Variants in ZNF106 observed in about 807,000 individuals in gnomAD.
ZNF106 encodes SH3-domain binding protein 3.
Under a neutral mutation model 195.1 loss-of-function variants are expected in ZNF106, and 67 were observed. That is an observed-to-expected ratio of 0.34 (90% CI 0.28 to 0.42). The LOEUF is 0.42. Among genes scored for constraint, ZNF106 ranks in the 10% least tolerant of loss-of-function variants. The pLI, the probability that ZNF106 is intolerant of heterozygous loss-of-function variation, is 1.00. For missense variants in ZNF106, 2,118 were observed against 2,304.5 expected (o/e 0.92, Z 1.66); for synonymous variants, 784 against 818.6 (o/e 0.96, Z 0.72).
At chr15:42,424,755 C>T in intron 16 of ZNF106, 79 bp downstream of exon 16, 2 of 1,445,318 alleles carry the variant, frequency 1.4e-6, no homozygotes, top group South Asian at 1.4e-5. Context: ...GCTGGGACTA[C>T]AGACGTGAGC....
chr15:42,422,559 A>G lies in ZNF106; in HGVS notation c.5315T>C (p.Leu1772Pro). ...HNHAVTVVNI[L>P]GKVMVTACLD... Reference sequence around the variant, plus strand: ...GCAAGCAGTCACCATCACTTTTCCTAGGATATTCACCACAGTCACTGCATG... The same window carrying G: ...GCAAGCAGTCACCATCACTTTTCCTGGGATATTCACCACAGTCACTGCATG... Residue 1772 changes from leucine (L) to proline (P), a missense_variant, in exon 18 of 22, where the codon CTA becomes CCA. Transcript: ENST00000564754. 1.9e-6 allele frequency: 3 copies of G among 1,613,826 alleles called. No homozygotes were observed. The highest frequency in any genetic ancestry group is 2.2e-5 in the South Asian group (2 of 91,026).
intron 4 of ZNF106, among the ~76,000 whole-genome samples, chr15:42,456,250 T>C (rs1311845715): frequency 2.6e-5 from 4 of 152,230 alleles, no homozygotes; most frequent in Non-Finnish European, 4.4e-5. Context: ...ATTTTGGCGA[T>C]ACGACTATAC....
chr15:42,441,277 A>C (rs2055527555), intron 10 of ZNF106, among the ~76,000 whole-genome samples: 1 of 151,384 alleles, frequency 6.6e-6, no homozygotes, highest in African/African-American at 2.4e-5. Context: ...CAGGAGGTCA[A>C]GCCTGTGGTG....
chr15:42,448,329 T>C lies in ZNF106; in HGVS notation c.2878A>G (p.Ser960Gly), dbSNP rs1431451473. 1.2e-6 allele frequency: 2 copies of C among 1,614,204 alleles called. No individual in the cohort carries two copies. The highest frequency in any genetic ancestry group is 1.6e-4 in the Middle Eastern group (1 of 6,062). The change falls in exon 6 of 22, where the codon AGT (serine) becomes GGT (glycine). Residue 960 changes from serine to glycine, a missense_variant. Transcript: ENST00000564754. ...ATATGGTCAGAGGATAATTGTGCACTATGTCGCCTTTGGGTAGCAACATTT... is the reference window on the plus strand; with the variant it reads ...ATATGGTCAGAGGATAATTGTGCACCATGTCGCCTTTGGGTAGCAACATTT... ...AENVATQRRH[S>G]AQLSSDHIIP...
chr15:42,417,281 C>T lies in ZNF106; in HGVS notation c.*23G>A. ...GTGAAAATAGTTCAACTAATGACTT[C>T]CCAACGTGGGAGGCAAAAAACTTCA... On this transcript the variant is annotated 3_prime_UTR_variant, in exon 22 of 22. Coordinates refer to ENST00000564754, the MANE Select transcript of ZNF106 (RefSeq NM_001366845.3). The T allele has an allele frequency of 6.2e-7, 1 of 1,613,870 alleles. No individual in the cohort carries two copies. Among genetic ancestry groups the T allele is most frequent in the Non-Finnish European group, 8.5e-7 (1 of 1,179,838 alleles).
chr15:42,425,456 C>A (rs2054818981), intron 15 of ZNF106: 1 of 156,388 alleles, frequency 6.4e-6, no homozygotes. Flanking sequence ...TTCCAAAAAT[C>A]TCTATTTAGA....
chr15:42,433,347 C>T (rs576888446), intron 14 of ZNF106, among the ~76,000 whole-genome samples: 76 of 152,254 alleles, frequency 5.0e-4, no homozygotes, highest in Admixed American at 7.2e-4. Flanking sequence ...CCTCGTGATC[C>T]GCCCACCTCG....
chr15:42,478,585 A>C (rs561401626), intron 1 of ZNF106, among the ~76,000 whole-genome samples: 1 of 134,304 alleles, frequency 7.4e-6, no homozygotes, highest in Non-Finnish European at 1.5e-5. Flanking sequence ...GCATGATCTC[A>C]GCTCACGGCA....
At chr15:42,417,401 T>C (rs751690378) in intron 21 of ZNF106, 41 bp from the exon 22 acceptor site, 4 of 1,599,430 alleles carry the variant, frequency 2.5e-6, no homozygotes, top group African/African-American at 1.3e-5. Context: ...GAGAAGTCGA[T>C]AGTAAGACAG....
chr15:42,453,506 A>T (rs1406715288), intron 4 of ZNF106, among the ~76,000 whole-genome samples: 2 of 152,198 alleles, frequency 1.3e-5, no homozygotes, highest in Admixed American at 1.3e-4. Context: ...ACTGCTAGCT[A>T]AAATTTACTG....
intron 5 of ZNF106, among the ~76,000 whole-genome samples, chr15:42,448,939 A>AT (rs1414408769): frequency 2.0e-5 from 3 of 152,130 alleles, no homozygotes; most frequent in Non-Finnish European, 1.5e-5. Context: ...GGGAGTAAAA[A>AT]TTGAGTTTTG....
chr15:42,471,901 T>A (rs1227880297), intron 2 of ZNF106, among the ~76,000 whole-genome samples: 1 of 152,178 alleles, frequency 6.6e-6, no homozygotes, highest in East Asian at 1.9e-4. Context: ...GATTTTAAAA[T>A]TACAGAAAGC....
chr15:42,482,527 T>TTTTG lies in ZNF106; in HGVS notation c.-33+8452_-33+8453insCAAA, dbSNP rs1315587698. Among the ~76,000 whole-genome samples the TTTTG allele has an allele frequency of 2.2e-5, 3 of 136,066 alleles. 1 individual carries two copies. The highest frequency in any genetic ancestry group is 4.7e-5 in the Non-Finnish European group (3 of 63,456). 89.3% of individuals were successfully genotyped at this position (136,066 alleles called of 152,430 possible). On this transcript the variant is annotated intron_variant, in intron 1 of 21. Transcript: ENST00000564754. ...GGCAGTAGATGAAATCTCCAGTTTT[T>TTTTG]TTTTTTTTTTTTTTTTTTTGAGATG...
chr15:42,448,202 C>G lies in ZNF106; in HGVS notation c.3005G>C (p.Cys1002Ser). 1 of 1,614,198 alleles carries G rather than the reference C, an allele frequency of 6.2e-7. No individual in the cohort carries two copies. Among genetic ancestry groups the G allele is most frequent in the Non-Finnish European group, 8.5e-7 (1 of 1,180,030 alleles). The change falls in exon 6 of 22, where the codon TGT (cysteine) becomes TCT (serine). Residue 1002 changes from cysteine (C) to serine (S), a missense_variant. Cys to Ser is a moderately radical substitution (Grantham distance 112). Transcript: ENST00000564754. ...GGCTGAGGATGCGCTTGATGACAGACAGTTTCCCTCTCCATTACTCTCCTG... is the reference window on the plus strand; with the variant it reads ...GGCTGAGGATGCGCTTGATGACAGAGAGTTTCCCTCTCCATTACTCTCCTG... ...NSQESNGEGNCLSSSASSALA... is the reference protein window; with the variant it reads ...NSQESNGEGNSLSSSASSALA...
chr15:42,471,660 G>A (rs1031637289), intron 2 of ZNF106, among the ~76,000 whole-genome samples: 19 of 152,196 alleles, frequency 1.2e-4, no homozygotes, highest in African/African-American at 4.6e-4. Flanking sequence ...GAACTGGGGA[G>A]GCAGAGGTTG....
At chr15:42,452,936 G>A (rs944770802) in intron 4 of ZNF106, among the ~76,000 whole-genome samples, 2 of 151,860 alleles carry the variant, frequency 1.3e-5, no homozygotes, top group Middle Eastern at 3.2e-3. Flanking sequence ...TCCACCCACC[G>A]CGGCCTCCCA....
Position 42,451,071 on chromosome 15 carries a change from G to C in ZNF106, c.1201C>G (p.Pro401Ala). ...TGNKSEMIEK[P>A]LFDFSLITTG... ...GTTATCAAGCTAAAATCAAAGAGAGGTTTCTCTATCATTTCTGACTTGTTA... is the reference window on the plus strand; with the variant it reads ...GTTATCAAGCTAAAATCAAAGAGAGCTTTCTCTATCATTTCTGACTTGTTA... Residue 401 changes from proline (P) to alanine (A), a missense_variant, in exon 5 of 22, where the codon CCT (proline) becomes GCT (alanine). Pro to Ala is a conservative substitution (Grantham distance 27, BLOSUM62 -1). Transcript: ENST00000564754. 2 of 1,614,164 alleles carry C rather than the reference G, an allele frequency of 1.2e-6. No individual in the cohort carries two copies. Among genetic ancestry groups the C allele is most frequent in the Non-Finnish European group, 1.7e-6 (2 of 1,180,028 alleles).
intron 1 of ZNF106, among the ~76,000 whole-genome samples, chr15:42,479,303 G>A (rs2056851234): frequency 6.6e-6 from 1 of 151,680 alleles, no homozygotes; most frequent in Non-Finnish European, 1.5e-5. Context: ...GAACCCAGGA[G>A]GCAGAGGTTG....
At position 42,422,586 on chromosome 15, in the gene ZNF106, T is replaced by C. The variant is rs749897013; in HGVS notation, c.5288A>G (p.Asn1763Ser). Residue 1763 changes from asparagine to serine, a missense_variant, in exon 18 of 22, where the codon AAT becomes AGT. By Grantham distance (46) the Asn-to-Ser change is conservative (BLOSUM62 1). Coordinates refer to ENST00000564754, the MANE Select transcript of ZNF106 (RefSeq NM_001366845.3). ...GELVRIYKGH[N>S]HAVTVVNILG... The stretch of plus-strand genomic sequence containing the variant: ...GATATTCACCACAGTCACTGCATGA[T>C]TGTGACCTTTATAGATCCGCACGAG... 4.3e-6 allele frequency: 7 copies of C among 1,613,444 alleles called. No individual in the cohort carries two copies. In the Admixed American group the frequency reaches 6.7e-5, roughly 15 times the overall value.
Sources: allele counts gnomAD v4.1 joint callset (sites outside exome capture counted in the v4.1 genomes callset), GRCh38; gene constraint gnomAD v4.1.1; transcripts MANE v1.5; gene names NCBI Gene and HGNC (gene_info 2026-07-23, HGNC 2026-07-21).